Variants in C1RL observed in about 807,000 individuals in gnomAD.
C1RL encodes the protein complement C1r subcomponent-like protein.
Under a neutral mutation model 27.9 loss-of-function variants are expected in C1RL, and 27 were observed. The observed-to-expected ratio is 0.97, with a 90% CI of 0.71 to 1.33. C1RL has a LOEUF of 1.33. C1RL is among the 40% of genes most tolerant of loss of function. The pLI, the probability that C1RL is intolerant of heterozygous loss-of-function variation, is 0.00. For synonymous variants in C1RL, 248 were observed against 252.1 expected (o/e 0.98, Z 0.15); for missense variants, 563 against 623.9 (o/e 0.90, Z 1.04).
chr12:7,101,095 T>TCCCTTCTTCCTTCCCTCCCTCCC (rs1237441559), intron 3 of C1RL, among the ~76,000 whole-genome samples: 18 of 112,238 alleles, frequency 1.6e-4, no homozygotes, highest in Non-Finnish European at 2.7e-4. Flanking sequence ...CCTTCCCTCC[T>TCCCTTCTTCCTTCCCTCCCTCCC]TCCCTCCTTC....
Position 7,109,114 on chromosome 12 carries a change from C to A in C1RL, c.67G>T (p.Ala23Ser). The A allele has an allele frequency of 6.3e-7, 1 of 1,590,598 alleles. No homozygotes were observed. Among genetic ancestry groups the A allele is most frequent in the South Asian group, 1.1e-5 (1 of 87,524 alleles). The change falls in exon 1 of 6, where the codon GCA (alanine) becomes TCA (serine). Residue 23 changes from alanine to serine, a missense_variant. Coordinates refer to ENST00000266542, the MANE Select transcript of C1RL (RefSeq NM_016546.4). ...CTCTGCCGGGGCCACACTCACATTGCGCCTGGACAGCCTTTGGAGTGAGGG... is the reference window on the plus strand; with the variant it reads ...CTCTGCCGGGGCCACACTCACATTGAGCCTGGACAGCCTTTGGAGTGAGGG... ...RSPHSKGCPG[A>S]MWWLLLWGVL... is the part of the protein sequence containing the mutation.
At chr12:7,097,300 G>A in intron 5 of C1RL, 137 bp from the exon 6 acceptor site, 3 of 654,342 alleles carry the variant, frequency 4.6e-6, no homozygotes, top group Non-Finnish European at 4.8e-6. Context: ...TTTTTTTTTT[G>A]ATATCGAGTT....
chr12:7,097,513 C>A (rs1461521535), intron 5 of C1RL, among the ~76,000 whole-genome samples: 1 of 152,100 alleles, frequency 6.6e-6, no homozygotes, highest in Middle Eastern at 3.2e-3. Context: ...AAACTCCTGA[C>A]CTCAGTGTTC....
At chr12:7,100,089 C>T in intron 3 of C1RL, 63 bp from the exon 4 acceptor site, 1 of 1,507,628 alleles carries the variant, frequency 6.6e-7, no homozygotes, top group Admixed American at 2.1e-5. Flanking sequence ...GATTCTGGCC[C>T]ATGGCTATAC....
At position 7,096,327 on chromosome 12, in the gene C1RL, C is replaced by T. The variant is rs772661618; in HGVS notation, c.*64G>A. The stretch of plus-strand genomic sequence containing the variant: ...CCCCTACCCCAGTGTTCAGTCCTCA[C>T]TCCAGGCCCTCTGTTGCCTGGGGCC... On this transcript the variant is annotated 3_prime_UTR_variant, in exon 6 of 6. Transcript: ENST00000266542. 136 of 1,224,000 alleles carry T rather than the reference C, an allele frequency of 1.1e-4. No homozygotes were observed. Among genetic ancestry groups the T allele is most frequent in the African/African-American group, 6.8e-4 (43 of 62,820 alleles). 75.8% of individuals were successfully genotyped at this position (1,224,000 alleles called of 1,614,324 possible).
At chr12:7,107,609 GCT>G (rs1050910820) in intron 2 of C1RL, among the ~76,000 whole-genome samples, 6 of 152,024 alleles carry the variant, frequency 3.9e-5, no homozygotes, top group Admixed American at 2.0e-4. Flanking sequence ...AAGATAATGT[GCT>G]CTTTTTATTT....
Position 7,094,558 on chromosome 12 carries a change from G to T in C1RL, c.*1833C>A, listed in dbSNP as rs1057468426. ...ATCTAGACATACACATATAAATATA[G>T]GTATATATATATTTTTTTGCCTTGG... On this transcript the variant is annotated 3_prime_UTR_variant, in exon 6 of 6. Transcript: ENST00000266542. 3.9e-6 allele frequency: 2 copies of T among 518,136 alleles called. No homozygotes were observed. The highest frequency in any genetic ancestry group is 3.6e-5 in the African/African-American group (1 of 27,782). The allele number at this position is 518,136 out of a possible 1,614,324, so 32.1% of individuals were successfully genotyped here.
In C1RL at chr12:7,099,588, C is replaced by T. The variant is rs1938551647; in HGVS notation, c.691+98G>A. On this transcript the variant is annotated intron_variant, in intron 5 of 5. Transcript: ENST00000266542. ...TCCTCACCTTCTGCTTCTTATCTTC[C>T]TTTCTATTCTAAGGCTTTCCTTTAA... 9 of 1,486,404 alleles carry T rather than the reference C, an allele frequency of 6.1e-6. No individual in the cohort carries two copies. The South Asian group carries it at 1.0e-4, about 17-fold the overall frequency. 92.1% of individuals were successfully genotyped at this position (1,486,404 alleles called of 1,614,324 possible).
At chr12:7,105,584 A>G (rs1938744984) in intron 2 of C1RL, among the ~76,000 whole-genome samples, 1 of 152,174 alleles carries the variant, frequency 6.6e-6, no homozygotes, top group South Asian at 2.1e-4. Context: ...ATATGAATGG[A>G]CAGCCAAGTA....
Position 7,096,784 on chromosome 12 carries a change from C to T in C1RL, c.1071G>A (p.Pro357=), listed in dbSNP as rs201874025. 35 of 1,605,324 alleles carry T rather than the reference C, an allele frequency of 2.2e-5. No homozygotes were observed. In the Middle Eastern group the frequency reaches 1.3e-3, roughly 61 times the overall value. Residue 357 remains proline, a synonymous_variant, in exon 6 of 6, where the codon CCG becomes CCA. Transcript: ENST00000266542. ...HSIPLGPNVL[P]VCLPDNETLY... ...GGGTCTCATTATCGGGCAGACAGACCGGGAGGACGTTGGGGCCCAGGGGGA... is the reference window on the plus strand; with the variant it reads ...GGGTCTCATTATCGGGCAGACAGACTGGGAGGACGTTGGGGCCCAGGGGGA...
At chr12:7,106,963 G>T (rs1938783715) in intron 2 of C1RL, among the ~76,000 whole-genome samples, 1 of 152,134 alleles carries the variant, frequency 6.6e-6, no homozygotes, top group Non-Finnish European at 1.5e-5. Context: ...GACAGATAAA[G>T]CTAGTCCTTA....
At chr12:7,108,989 G>C (rs1345587728) in intron 1 of C1RL, 121 bp downstream of exon 1, 4 of 70,196 alleles carry the variant, frequency 5.7e-5, no homozygotes, top group Non-Finnish European at 1.0e-4. Context: ...GTGTGTGTGT[G>C]GGGGGGGGGG....
intron 5 of C1RL, among the ~76,000 whole-genome samples, chr12:7,097,514 C>G (rs1002954427): frequency 6.6e-6 from 1 of 152,100 alleles, no homozygotes; most frequent in Admixed American, 6.5e-5. Flanking sequence ...AACTCCTGAC[C>G]TCAGTGTTCC....
At position 7,109,202 on chromosome 12, in the gene C1RL, C is replaced by A; in HGVS notation, c.-22G>T. ...GCATCTGGAACTGGACATCTGGGAC[C>A]TGCGAGAGAACTGGCCCAGGATAGG... On this transcript the variant is annotated 5_prime_UTR_variant, in exon 1 of 6. In the 5' UTR this introduces an upstream ATG that the reference lacks. Transcript: ENST00000266542. The A allele has an allele frequency of 6.4e-7, 1 of 1,565,410 alleles. No homozygotes were observed. Among genetic ancestry groups the A allele is most frequent in the South Asian group, 1.1e-5 (1 of 87,300 alleles).
At chr12:7,100,062 C>T (rs77625964) in intron 3 of C1RL, 36 bp from the exon 4 acceptor site, 2 of 1,580,528 alleles carry the variant, frequency 1.3e-6, no homozygotes, top group Admixed American at 3.5e-5. Context: ...GACTTGCCAA[C>T]TGGCAACCCA....
chr12:7,094,601 C>T lies in C1RL; in HGVS notation c.*1790G>A. 1.1e-6 allele frequency: 1 copy of T among 943,382 alleles called. No homozygotes were observed. The highest frequency in any genetic ancestry group is 1.3e-6 in the Non-Finnish European group (1 of 791,736). 58.4% of individuals were successfully genotyped at this position (943,382 alleles called of 1,614,324 possible). A position where few individuals can be genotyped will look rare whatever the true frequency, so the allele number is the denominator to read the frequency against. ...TGCCTTGGCAGGGAGAAACTCATAT[C>T]ATTTTTTGCAATCATAAAAATAAGC... On this transcript the variant is annotated 3_prime_UTR_variant, in exon 6 of 6. Coordinates refer to ENST00000266542, the MANE Select transcript of C1RL (RefSeq NM_016546.4).
chr12:7,097,033 C>T lies in C1RL; in HGVS notation c.822G>A (p.Gly274=). ...GGGCAGCAGTGAGGATCCATCTGTC[C>T]CCCAGCAGGGCCCCGCCCCCACGGC... ...IHGRGGGALL[G]DRWILTAAHT... is the part of the protein sequence containing the mutation. The change falls in exon 6 of 6, where the codon GGG becomes GGA. Residue 274 remains glycine, a synonymous_variant. Coordinates refer to ENST00000266542, the MANE Select transcript of C1RL (RefSeq NM_016546.4). 5.6e-6 allele frequency: 9 copies of T among 1,614,124 alleles called. No individual in the cohort carries two copies. The highest frequency in any genetic ancestry group is 7.6e-6 in the Non-Finnish European group (9 of 1,180,022).
intron 2 of C1RL, among the ~76,000 whole-genome samples, chr12:7,106,872 A>G (rs1275576460): frequency 3.3e-5 from 5 of 152,262 alleles, no homozygotes; most frequent in Admixed American, 6.5e-5. Context: ...AATGTAAATA[A>G]TGAATAAAGA....
chr12:7,097,288 T>G (rs1166294679), intron 5 of C1RL, 125 bp from the exon 6 acceptor site: 9 of 848,352 alleles, frequency 1.1e-5, no homozygotes, highest in Admixed American at 3.3e-5. Context: ...AGGACGTTTT[T>G]TTTTTTTTTT....
Sources: gnomAD v4.1 joint callset for allele counts (sites outside exome capture counted in the v4.1 genomes callset) on GRCh38, gnomAD v4.1.1 for gene constraint, MANE v1.5 for transcripts, NCBI Gene and HGNC (gene_info 2026-07-23, HGNC 2026-07-21) for gene names.